Variants in SPECC1 observed in about 807,000 individuals in gnomAD.
SPECC1 encodes the protein sperm antigen with calponin homology and coiled-coil domains 1, also known as cytospin-B.
A neutral mutation model predicts 104.1 loss-of-function variants in SPECC1; 62 were observed. The observed-to-expected ratio is 0.60, with a 90% CI of 0.49 to 0.74. The LOEUF is 0.74. SPECC1 is among the 30% of genes least tolerant of loss of function. SPECC1 has a pLI of 0.00. For missense variants in SPECC1, 1,306 were observed against 1,310.5 expected, an observed-to-expected ratio of 1.00 and a Z score of 0.05; for synonymous variants, 513 against 501.6, an observed-to-expected ratio of 1.02 and a Z score of -0.30.
chr17:20,104,974 A>C (rs2048126224), intron 2 of SPECC1, among the ~76,000 whole-genome samples: 2 of 152,076 alleles, frequency 1.3e-5, no homozygotes, highest in Admixed American at 1.3e-4. Flanking sequence ...GCCACTAGGA[A>C]AACAGCTGCA....
At chr17:20,018,876 T>C (rs753681631) in intron 1 of SPECC1, among the ~76,000 whole-genome samples, 20 of 152,192 alleles carry the variant, frequency 1.3e-4, no homozygotes, top group Non-Finnish European at 1.6e-4. Flanking sequence ...AGGGTTTTTA[T>C]TGGGGGCTGG....
intron 1 of SPECC1, among the ~76,000 whole-genome samples, chr17:20,080,141 G>T (rs934968639): frequency 7.9e-5 from 12 of 152,164 alleles, no homozygotes; most frequent in Non-Finnish European, 1.6e-4. Flanking sequence ...AAAATGAAAT[G>T]ATGCTAAATT....
At chr17:20,015,142 T>C (rs531807881) in intron 1 of SPECC1, among the ~76,000 whole-genome samples, 1 of 152,342 alleles carries the variant, frequency 6.6e-6, no homozygotes, top group Non-Finnish European at 1.5e-5. Context: ...TACACATTTC[T>C]ATGGCACTGG....
chr17:20,123,882 T>C (rs2049157609), intron 3 of SPECC1, among the ~76,000 whole-genome samples: 1 of 152,246 alleles, frequency 6.6e-6, no homozygotes, highest in African/African-American at 2.4e-5. Context: ...ATCATTCCCA[T>C]TTTATAGATC....
At chr17:20,206,896 A>G (rs778887041) in intron 4 of SPECC1, among the ~76,000 whole-genome samples, 2 of 152,128 alleles carry the variant, frequency 1.3e-5, no homozygotes, top group African/African-American at 2.4e-5. Context: ...TCTGTTAATC[A>G]TTTCATTTTT....
chr17:20,185,774 C>T (rs1339338960), intron 3 of SPECC1, among the ~76,000 whole-genome samples: 1 of 152,174 alleles, frequency 6.6e-6, no homozygotes, highest in Non-Finnish European at 1.5e-5. Context: ...GTCCCATGAA[C>T]CAGAAGCATT....
intron 1 of SPECC1, among the ~76,000 whole-genome samples, chr17:20,049,473 A>G (rs1182331197): frequency 6.6e-6 from 1 of 152,138 alleles, no homozygotes; most frequent in Non-Finnish European, 1.5e-5. Context: ...AGCCATTTGT[A>G]TTCTCTGTGA....
chr17:20,045,880 G>A (rs114312859), intron 1 of SPECC1, among the ~76,000 whole-genome samples: 5,090 of 151,968 alleles, frequency 0.033, 206 homozygotes, highest in African/African-American at 0.099. Context: ...TCCTACTCTT[G>A]TTTTCAACTG....
chr17:20,238,427 A>G (rs759496179), intron 7 of SPECC1: 1 of 1,042,442 alleles, frequency 9.6e-7, no homozygotes, highest in Non-Finnish European at 1.2e-6. Flanking sequence ...TCACATGAGG[A>G]ACTGGTTCAC....
At chr17:20,035,139 T>A (rs904074911) in intron 1 of SPECC1, among the ~76,000 whole-genome samples, 1 of 152,252 alleles carries the variant, frequency 6.6e-6, no homozygotes, top group Non-Finnish European at 1.5e-5. Flanking sequence ...TTTGGTTGCA[T>A]TGATCTATAG....
intron 9 of SPECC1, among the ~76,000 whole-genome samples, chr17:20,250,352 A>G (rs2039575731): frequency 6.6e-6 from 1 of 152,214 alleles, no homozygotes. Context: ...CTTTTAAAAG[A>G]CTATTAAAAT....
At chr17:20,259,610 G>T (rs2703789) in intron 11 of SPECC1, among the ~76,000 whole-genome samples, 1 of 151,914 alleles carries the variant, frequency 6.6e-6, no homozygotes, top group Non-Finnish European at 1.5e-5. Context: ...GCCTCAAGCA[G>T]TCCTCCCTTC....
At chr17:20,129,494 C>CT (rs573826415) in intron 3 of SPECC1, among the ~76,000 whole-genome samples, 16 of 147,100 alleles carry the variant, frequency 1.1e-4, no homozygotes, top group African/African-American at 3.7e-4. Flanking sequence ...AGCCAGATTT[C>CT]TTTTTTTTTT....
At chr17:20,156,609 C>T (rs1220889382) in intron 3 of SPECC1, among the ~76,000 whole-genome samples, 2 of 152,116 alleles carry the variant, frequency 1.3e-5, no homozygotes, top group Non-Finnish European at 2.9e-5. Context: ...CGGCCTCTCC[C>T]TGTCGGCCGC....
chr17:20,279,323 C>CTTTTTTTTTTTTT (rs548300449), intron 12 of SPECC1, among the ~76,000 whole-genome samples: 2 of 113,730 alleles, frequency 1.8e-5, no homozygotes, highest in African/African-American at 3.2e-5. Context: ...TTTTTTTTTT[C>CTTTTTTTTTTTTT]TTTTTTTTTT....
In SPECC1 at chr17:20,046,450, G is replaced by A. The variant is rs575396661; in HGVS notation, c.-22+37026G>A. Among the ~76,000 whole-genome samples, 6 of 152,244 alleles carry A rather than the reference G, an allele frequency of 3.9e-5. No homozygotes were observed. The South Asian group carries it at 1.2e-3, about 32-fold the overall frequency. On this transcript the variant is annotated intron_variant, in intron 1 of 14. Transcript: ENST00000395527. ...GATAACATTGAATACTCTGAACTAT[G>A]CCCTGTTCTATGTCCTAGGGATAAA...
chr17:20,311,069 C>T (rs1035402101), intron 14 of SPECC1, among the ~76,000 whole-genome samples: 2 of 149,492 alleles, frequency 1.3e-5, no homozygotes, highest in African/African-American at 2.5e-5. Context: ...CTGCCTTCTG[C>T]ACATACCTTG....
chr17:20,275,627 G>T (rs2040551405), intron 12 of SPECC1, among the ~76,000 whole-genome samples: 1 of 152,202 alleles, frequency 6.6e-6, no homozygotes, highest in South Asian at 2.1e-4. Flanking sequence ...AAAAGTATAA[G>T]AGTGAAGACT....
intron 12 of SPECC1, among the ~76,000 whole-genome samples, chr17:20,267,806 C>T (rs570160171): frequency 4.7e-4 from 71 of 152,232 alleles, no homozygotes; most frequent in African/African-American, 1.6e-3. Flanking sequence ...GTAGTGCCAC[C>T]GGGTCCTTTG....
Sources: allele counts gnomAD v4.1 joint callset (sites outside exome capture counted in the v4.1 genomes callset), GRCh38; gene constraint gnomAD v4.1.1; transcripts MANE v1.5; gene names NCBI Gene and HGNC (gene_info 2026-07-23, HGNC 2026-07-21).